Variants in ITPR2 observed in about 807,000 individuals in gnomAD.
ITPR2 encodes inositol 1,4,5-trisphosphate-gated calcium channel ITPR2.
A neutral mutation model predicts 317.1 loss-of-function variants in ITPR2; 207 were observed. The ratio of observed to expected loss-of-function variants is 0.65; its 90% confidence interval spans 0.58 to 0.73. The LOEUF is 0.73. Among genes scored for constraint, ITPR2 ranks in the 30% least tolerant of loss-of-function variants. ITPR2 has a pLI of 0.00. For missense variants in ITPR2, 2,613 were observed against 3,284.0 expected, an observed-to-expected ratio of 0.80 and a Z score of 4.99; for synonymous variants, 1,156 against 1,149.1, an observed-to-expected ratio of 1.01 and a Z score of -0.12.
intron 11 of ITPR2, among the ~76,000 whole-genome samples, chr12:26,685,951 C>A (rs1248391183): frequency 6.6e-6 from 1 of 152,150 alleles, no homozygotes; most frequent in Non-Finnish European, 1.5e-5. Context: ...ACTTTTATTA[C>A]CTGACCTTAT....
At chr12:26,808,880 G>A (rs1349136609) in intron 1 of ITPR2, among the ~76,000 whole-genome samples, 1 of 152,172 alleles carries the variant, frequency 6.6e-6, no homozygotes, top group Admixed American at 6.5e-5. Context: ...GCATTTCACA[G>A]AAATACTACA....
chr12:26,471,860 T>C (rs561345134), intron 45 of ITPR2, among the ~76,000 whole-genome samples: 2 of 152,342 alleles, frequency 1.3e-5, no homozygotes, highest in East Asian at 1.9e-4. Flanking sequence ...AACTGGACTC[T>C]ACCAAATTCC....
chr12:26,364,543 A>C (rs1938944358), intron 55 of ITPR2, among the ~76,000 whole-genome samples: 2 of 152,198 alleles, frequency 1.3e-5, no homozygotes, highest in Admixed American at 1.3e-4. Context: ...TCTAAACTCT[A>C]GTCTCCAGCT....
chr12:26,361,491 T>C (rs1254997283), intron 55 of ITPR2, among the ~76,000 whole-genome samples: 1 of 152,162 alleles, frequency 6.6e-6, no homozygotes, highest in Non-Finnish European at 1.5e-5. Context: ...GATTTGGCAA[T>C]ACAATTATAC....
At chr12:26,384,423 T>G (rs191134291) in intron 55 of ITPR2, among the ~76,000 whole-genome samples, 46 of 152,276 alleles carry the variant, frequency 3.0e-4, no homozygotes, top group African/African-American at 1.0e-3. Context: ...GGAATGGAGC[T>G]TGTTCTCTTG....
Position 26,595,581 on chromosome 12 carries a change from C to T in ITPR2, c.4264G>A (p.Ala1422Thr), listed in dbSNP as rs368027858. The change falls in exon 32 of 57, where the codon GCT (alanine) becomes ACT (threonine). Residue 1422 changes from alanine (A) to threonine (T), a missense_variant. Physicochemically the swap from Ala to Thr is moderately conservative, Grantham distance 58. Around this residue, in one of 9 missense-constraint regions of ITPR2, gnomAD observed 926 missense variants for 1,072.8 expected, o/e 0.86. Transcript: ENST00000381340. Reference sequence around the variant, plus strand: ...CAGTGATTAACAAAGTTCACATAAGCAATTTTAACCTGTGCAAGTTTCAAA... The same window carrying T: ...CAGTGATTAACAAAGTTCACATAAGTAATTTTAACCTGTGCAAGTTTCAAA... ...HDDCIPEVKI[A>T]YVNFVNHCYV... The T allele has an allele frequency of 6.4e-7, 1 of 1,563,896 alleles. No homozygotes were observed. The highest frequency in any genetic ancestry group is 8.6e-7 in the Non-Finnish European group (1 of 1,163,658).
At chr12:26,571,176 TAA>T (rs900346976) in intron 34 of ITPR2, among the ~76,000 whole-genome samples, 1 of 152,242 alleles carries the variant, frequency 6.6e-6, no homozygotes, top group Non-Finnish European at 1.5e-5. Flanking sequence ...CTTTAGCCTT[TAA>T]AAGTTTAAAA....
chr12:26,774,552 T>C lies in ITPR2; in HGVS notation c.163+15605A>G, dbSNP rs188029134. ...AAAAATTAAGTCAGCACCAACAATA[T>C]GCTAAACACTGTGTTTGATCTTGGT... On this transcript the variant is annotated intron_variant, in intron 2 of 56. Coordinates refer to ENST00000381340, the MANE Select transcript of ITPR2 (RefSeq NM_002223.4). Among the ~76,000 whole-genome samples the C allele has an allele frequency of 7.9e-5, 12 of 152,326 alleles. No individual in the cohort carries two copies. The East Asian group carries it at 2.1e-3, about 27-fold the overall frequency.
intron 45 of ITPR2, among the ~76,000 whole-genome samples, chr12:26,465,773 G>C (rs1050901583): frequency 7.9e-5 from 12 of 152,126 alleles, no homozygotes; most frequent in Admixed American, 6.5e-4. Context: ...CATGGGGGTA[G>C]AGATGATGCC....
chr12:26,339,493 AAG>A lies in ITPR2; in HGVS notation c.8020-12_8020-11del, dbSNP rs1260096384. On this transcript the variant is annotated splice_polypyrimidine_tract_variant and intron_variant, in intron 56 of 56. Transcript: ENST00000381340. ...TCCTTTGTTCTGTCATCTGGGGGAA[AAG>A]AGAGAGTGTGTGTTCAGCGGATTTT... The A allele has an allele frequency of 1.2e-6, 2 of 1,612,066 alleles. No individual in the cohort carries two copies. The highest frequency in any genetic ancestry group is 1.3e-5 in the African/African-American group (1 of 74,970).
chr12:26,650,576 T>C (rs1252057992), intron 21 of ITPR2, among the ~76,000 whole-genome samples: 1 of 152,176 alleles, frequency 6.6e-6, no homozygotes, highest in Non-Finnish European at 1.5e-5. Context: ...ATCTTCCTCT[T>C]AATGTTGCCA....
chr12:26,599,743 C>A (rs916271218), intron 29 of ITPR2, among the ~76,000 whole-genome samples: 1 of 151,992 alleles, frequency 6.6e-6, no homozygotes, highest in African/African-American at 2.4e-5. Flanking sequence ...ATATCTTTTC[C>A]CTAACATTTA....
chr12:26,435,921 T>A (rs976144234), intron 48 of ITPR2, among the ~76,000 whole-genome samples: 10 of 152,200 alleles, frequency 6.6e-5, no homozygotes, highest in Non-Finnish European at 1.3e-4. Flanking sequence ...ATTTGCATAA[T>A]TTAGATGATA....
intron 2 of ITPR2, among the ~76,000 whole-genome samples, chr12:26,784,735 C>T (rs896882355): frequency 1.5e-4 from 23 of 151,218 alleles, no homozygotes; most frequent in African/African-American, 5.1e-4. Flanking sequence ...CCCAAAGTGC[C>T]GAGATTGCAG....
intron 54 of ITPR2, among the ~76,000 whole-genome samples, chr12:26,393,979 A>T (rs982799077): frequency 6.6e-6 from 1 of 152,014 alleles, no homozygotes; most frequent in Non-Finnish European, 1.5e-5. Context: ...ATATTTATGG[A>T]TATTCACCAA....
chr12:26,725,580 C>T (rs1454533053), intron 3 of ITPR2, 70 bp downstream of exon 3: 5 of 1,012,998 alleles, frequency 4.9e-6, no homozygotes, highest in Non-Finnish European at 7.7e-6. Context: ...AGCTAGAAAG[C>T]TCTAAATACA....
In ITPR2 at chr12:26,775,933, C is replaced by CATAT; in HGVS notation, c.163+14220_163+14223dup. On this transcript the variant is annotated intron_variant, in intron 2 of 56. Transcript: ENST00000381340. ...ATACCACTTAATAAACTCCCCTTTACATATATATATATATGTATATGTATA... is the reference window on the plus strand; with the variant it reads ...ATACCACTTAATAAACTCCCCTTTACATATATATATATATATATGTATATGTATA... Among the ~76,000 whole-genome samples the CATAT allele has an allele frequency of 2.3e-3, 194 of 85,444 alleles. 34 individuals are homozygous for CATAT. Among genetic ancestry groups the CATAT allele is most frequent in the African/African-American group, 3.7e-3 (120 of 32,156 alleles). The allele number at this position is 85,444 out of a possible 152,430, so 56.1% of individuals were successfully genotyped here. A position where few individuals can be genotyped will look rare whatever the true frequency, so the allele number is the denominator to read the frequency against.
At chr12:26,398,818 C>T (rs950661716) in intron 54 of ITPR2, 58 bp downstream of exon 54, 25 of 1,411,070 alleles carry the variant, frequency 1.8e-5, no homozygotes, top group Non-Finnish European at 2.3e-5. Flanking sequence ...TCCCTCTAGC[C>T]CCTCTTTCCT....
chr12:26,638,431 C>T (rs1173822561), intron 21 of ITPR2, among the ~76,000 whole-genome samples: 1 of 152,144 alleles, frequency 6.6e-6, no homozygotes, highest in Non-Finnish European at 1.5e-5. Flanking sequence ...TTCCATCACC[C>T]TAGAAAGCTC....
Sources: gnomAD v4.1 joint callset for allele counts (sites outside exome capture counted in the v4.1 genomes callset) on GRCh38, gnomAD v4.1.1 for gene constraint, gnomAD v4.1.1 regional missense constraint, MANE v1.5 for transcripts, NCBI Gene and HGNC (gene_info 2026-07-23, HGNC 2026-07-21) for gene names.